The following RPS6KA5 variants were observed in gnomAD, a reference collection of about 807,000 sequenced individuals.
The protein encoded by RPS6KA5 is ribosomal protein S6 kinase A5, also known as ribosomal protein S6 kinase alpha-5.
RPS6KA5 carries 27 observed loss-of-function variants against 85.5 expected under a neutral mutation model. The ratio of observed to expected loss-of-function variants is 0.32; its 90% CI spans 0.23 to 0.44. The LOEUF is 0.44. Among genes scored for constraint, RPS6KA5 ranks in the 20% least tolerant of loss-of-function variants. The pLI is 1.00. For missense variants in RPS6KA5, 811 were observed against 980.9 expected, an observed-to-expected ratio of 0.83 and a Z score of 2.31; for synonymous variants, 334 against 348.2, an observed-to-expected ratio of 0.96 and a Z score of 0.46.
At chr14:91,007,831 T>G (rs1157783264) in intron 1 of RPS6KA5, among the ~76,000 whole-genome samples, 3 of 152,112 alleles carry the variant, frequency 2.0e-5, no homozygotes, top group African/African-American at 4.8e-5. Flanking sequence ...ATAACTTTGT[T>G]GTTGTTTTCT....
At chr14:91,047,126 T>A (rs1198456160) in intron 1 of RPS6KA5, among the ~76,000 whole-genome samples, 6 of 152,184 alleles carry the variant, frequency 3.9e-5, no homozygotes, top group African/African-American at 1.4e-4. Flanking sequence ...CTACTACTTA[T>A]GTTTATATAT....
chr14:90,995,488 T>G (rs1281820177), intron 2 of RPS6KA5, among the ~76,000 whole-genome samples: 1 of 152,166 alleles, frequency 6.6e-6, no homozygotes, highest in Admixed American at 6.5e-5. Context: ...ACTGTTTTAC[T>G]GAGCAGTAGC....
intron 7 of RPS6KA5, among the ~76,000 whole-genome samples, chr14:90,914,770 A>G (rs758874040): frequency 4.6e-5 from 7 of 152,244 alleles, no homozygotes; most frequent in South Asian, 2.1e-4. Flanking sequence ...GCTGAGGAGT[A>G]TAAGTGCCAA....
intron 3 of RPS6KA5, among the ~76,000 whole-genome samples, chr14:90,960,272 G>C (rs747281441): frequency 6.6e-6 from 1 of 152,076 alleles, no homozygotes; most frequent in Non-Finnish European, 1.5e-5. Context: ...TGTTAGGATA[G>C]GGCTCGGGCA....
chr14:90,912,636 G>A (rs140875838), intron 7 of RPS6KA5, among the ~76,000 whole-genome samples: 86 of 152,300 alleles, frequency 5.6e-4, no homozygotes, highest in African/African-American at 2.0e-3. Context: ...ATAGTAGTCT[G>A]TCTTCCTTTA....
In RPS6KA5 at chr14:91,019,998, T is replaced by A. The variant is rs372738014; in HGVS notation, c.104-18839A>T. On this transcript the variant is annotated intron_variant, in intron 1 of 16. Transcript: ENST00000614987. ...CTATTGCTCCTGGGCTACAACCCTGTACAGCATATGACTGTAAGGAATACT... is the reference window on the plus strand; with the variant it reads ...CTATTGCTCCTGGGCTACAACCCTGAACAGCATATGACTGTAAGGAATACT... Among the ~76,000 whole-genome samples, 10 of 152,338 alleles carry A rather than the reference T, an allele frequency of 6.6e-5. No individual in the cohort carries two copies. In the East Asian group the frequency reaches 1.9e-3, roughly 29 times the overall value.
rs1263600836 is a variant in RPS6KA5, at chr14:90,947,670, T to C, written c.395-120A>G. 9 of 614,748 alleles carry C rather than the reference T, an allele frequency of 1.5e-5. No homozygotes were observed. The East Asian group carries it at 2.5e-4, about 17-fold the overall frequency. The allele number at this position is 614,748 out of a possible 1,614,324, so 38.1% of individuals were successfully genotyped here. A position where few individuals can be genotyped will look rare whatever the true frequency, so the allele number is the denominator to read the frequency against. ...GATTTTAATATATTGCTATATACAA[T>C]TTAGCATACAGTATCATGTAGATAG... is the stretch of plus-strand genomic sequence containing the variant. On this transcript the variant is annotated intron_variant, in intron 3 of 16. Coordinates refer to ENST00000614987, the MANE Select transcript of RPS6KA5 (RefSeq NM_004755.4).
chr14:91,017,353 C>T (rs1229611244), intron 1 of RPS6KA5, among the ~76,000 whole-genome samples: 1 of 152,210 alleles, frequency 6.6e-6, no homozygotes, highest in African/African-American at 2.4e-5. Context: ...CAACTACCAT[C>T]CATGGTATTA....
intron 1 of RPS6KA5, among the ~76,000 whole-genome samples, chr14:91,002,000 G>C (rs2140585976): frequency 6.6e-6 from 1 of 152,214 alleles, no homozygotes; most frequent in Middle Eastern, 3.4e-3. Flanking sequence ...TCAAGACAAA[G>C]ATACTACATT....
Position 91,010,294 on chromosome 14 carries a change from G to A in RPS6KA5, c.104-9135C>T, listed in dbSNP as rs144253846. 2.6e-3 allele frequency among the ~76,000 whole-genome samples: 390 copies of A among 152,228 alleles called. 4 individuals carry two copies. The highest frequency in any genetic ancestry group is 9.0e-3 in the African/African-American group (375 of 41,522). On this transcript the variant is annotated intron_variant, in intron 1 of 16. Coordinates refer to ENST00000614987, the MANE Select transcript of RPS6KA5 (RefSeq NM_004755.4). ...TGACATGACTGTTAAATAGGATAGTGACCACAGAAATGACCCCCTTTGAAC... is the reference window on the plus strand; with the variant it reads ...TGACATGACTGTTAAATAGGATAGTAACCACAGAAATGACCCCCTTTGAAC...
At chr14:90,958,282 C>T (rs1473579067) in intron 3 of RPS6KA5, among the ~76,000 whole-genome samples, 1 of 152,186 alleles carries the variant, frequency 6.6e-6, no homozygotes, top group Admixed American at 6.5e-5. Context: ...GAAAATTTTG[C>T]ATCCATAGTT....
Position 90,849,043 on chromosome 14 carries a change from T to C in RPS6KA5, c.*23031A>G, listed in dbSNP as rs996597996. The C allele has an allele frequency of 6.6e-6, 1 of 151,942 alleles. No individual in the cohort carries two copies. The highest frequency in any genetic ancestry group is 2.4e-5 in the African/African-American group (1 of 41,344). The allele number at this position is 151,942 out of a possible 1,614,324, so 9.4% of individuals were successfully genotyped here. ...GCAAGGCCGCATCTCTAAAAAGTAA[T>C]AATAAATAAAAGGAAAAAGATGCAA... On this transcript the variant is annotated 3_prime_UTR_variant, in exon 17 of 17. Transcript: ENST00000614987.
rs568795923 is a variant in RPS6KA5 at position 90,859,028 on chromosome 14, A to G, written c.*13046T>C. On this transcript the variant is annotated 3_prime_UTR_variant, in exon 17 of 17. Transcript: ENST00000614987. ...AGCAAAAAGCAGCAGATGAGAGGCT[A>G]ACGAGCTGAGCAGCTCTTAGTACTG... 1 of 152,384 alleles carries G rather than the reference A, an allele frequency of 6.6e-6. No homozygotes were observed. The highest frequency in any genetic ancestry group is 2.1e-4 in the South Asian group (1 of 4,828). The allele number at this position is 152,384 out of a possible 1,614,324, so 9.4% of individuals were successfully genotyped here.
chr14:90,993,601 T>A (rs770843445), intron 2 of RPS6KA5, among the ~76,000 whole-genome samples: 7 of 152,356 alleles, frequency 4.6e-5, no homozygotes, highest in Admixed American at 6.5e-5. Context: ...CCACTTTACA[T>A]GGCTTCCAGG....
At chr14:90,899,076 G>A (rs560604742) in intron 12 of RPS6KA5, among the ~76,000 whole-genome samples, 103 of 152,036 alleles carry the variant, frequency 6.8e-4, no homozygotes, top group Non-Finnish European at 1.4e-3. Flanking sequence ...CTGGCCCTCC[G>A]TCTTCCTGTC....
chr14:90,994,496 C>T (rs1041651114), intron 2 of RPS6KA5, among the ~76,000 whole-genome samples: 3 of 147,804 alleles, frequency 2.0e-5, no homozygotes, highest in Non-Finnish European at 4.5e-5. Flanking sequence ...CTCTTTAGGT[C>T]TAATTCTATT....
At chr14:90,939,012 C>T (rs1037436765) in intron 5 of RPS6KA5, among the ~76,000 whole-genome samples, 7 of 152,256 alleles carry the variant, frequency 4.6e-5, no homozygotes, top group East Asian at 3.9e-4. Flanking sequence ...GCAAATTTTC[C>T]GAACTTTTAT....
intron 1 of RPS6KA5, among the ~76,000 whole-genome samples, chr14:91,020,461 G>A (rs115748338): frequency 0.02 from 2,956 of 151,432 alleles, 86 homozygotes; most frequent in African/African-American, 0.069. Flanking sequence ...TTATATAAGG[G>A]ACTTGAGCAT....
At chr14:90,881,673 G>T (rs765679545) in intron 14 of RPS6KA5, among the ~76,000 whole-genome samples, 4 of 151,644 alleles carry the variant, frequency 2.6e-5, no homozygotes, top group African/African-American at 4.8e-5. Flanking sequence ...GATAACTTTT[G>T]TATTTTTCGT....
Sources: gnomAD v4.1 joint callset for allele counts (sites outside exome capture counted in the v4.1 genomes callset) on GRCh38, gnomAD v4.1.1 for gene constraint, MANE v1.5 for transcripts, NCBI Gene and HGNC (gene_info 2026-07-23, HGNC 2026-07-21) for gene names.